Variants in RBMS3 observed in about 807,000 individuals in gnomAD.
RBMS3 encodes the protein RNA-binding motif, single-stranded-interacting protein 3.
Under a neutral mutation model 66.8 loss-of-function variants are expected in RBMS3, and 27 were observed. That is an observed-to-expected ratio of 0.40 (90% CI 0.30 to 0.56). The LOEUF is 0.56. Ranked by LOEUF, RBMS3 falls within the 20% of genes least tolerant of loss-of-function variation. RBMS3 has a pLI of 0.40. For missense variants in RBMS3, 513 were observed against 549.5 expected (o/e 0.93, Z 0.66); for synonymous variants, 188 against 183.0 (o/e 1.03, Z -0.22).
chr3:29,641,739 C>T (rs977420182), intron 4 of RBMS3, among the ~76,000 whole-genome samples: 14 of 151,920 alleles, frequency 9.2e-5, no homozygotes, highest in African/African-American at 1.2e-4. Context: ...GTCATATTCA[C>T]TGAGGTAACA....
chr3:29,292,221 A>T lies in RBMS3; in HGVS notation c.75+10465A>T, dbSNP rs1255608100. On this transcript the variant is annotated intron_variant, in intron 1 of 14. Coordinates refer to ENST00000383767, the MANE Select transcript of RBMS3 (RefSeq NM_001003793.3). ...ACACATAAAACAACAACACACACGC[A>T]CACATACATTCCTGAAAACCTTAAC... Among the ~76,000 whole-genome samples the T allele has an allele frequency of 2.0e-5, 3 of 151,878 alleles. No homozygotes were observed. The East Asian group carries it at 5.8e-4, about 30-fold the overall frequency.
At chr3:30,000,685 T>G (rs1004140589) in intron 14 of RBMS3, among the ~76,000 whole-genome samples, 1 of 152,170 alleles carries the variant, frequency 6.6e-6, no homozygotes, top group African/African-American at 2.4e-5. Context: ...GTGGCATATA[T>G]ACACCATGGA....
chr3:29,389,150 T>C (rs1224302907), intron 1 of RBMS3, among the ~76,000 whole-genome samples: 1 of 152,204 alleles, frequency 6.6e-6, no homozygotes, highest in Non-Finnish European at 1.5e-5. Context: ...ATGGAAGATC[T>C]GACTCTCACT....
At chr3:29,717,182 G>A (rs2053433882) in intron 4 of RBMS3, among the ~76,000 whole-genome samples, 1 of 151,756 alleles carries the variant, frequency 6.6e-6, no homozygotes, top group Non-Finnish European at 1.5e-5. Flanking sequence ...CCTACATTAG[G>A]GGCTAAATAT....
intron 3 of RBMS3, among the ~76,000 whole-genome samples, chr3:29,561,684 C>T (rs984724377): frequency 6.6e-6 from 1 of 152,150 alleles, no homozygotes; most frequent in African/African-American, 2.4e-5. Flanking sequence ...AACTCCTGAC[C>T]TTGTGATCCG....
intron 1 of RBMS3, among the ~76,000 whole-genome samples, chr3:29,380,926 G>A (rs2038733630): frequency 6.6e-6 from 1 of 152,148 alleles, no homozygotes. Flanking sequence ...TTGGAGATAA[G>A]TGGTGCTTCA....
At chr3:29,631,925 C>T (rs1020991661) in intron 4 of RBMS3, among the ~76,000 whole-genome samples, 4 of 151,866 alleles carry the variant, frequency 2.6e-5, no homozygotes, top group Non-Finnish European at 5.9e-5. Context: ...AACTTCACAA[C>T]CAAAAAGAGG....
chr3:29,296,499 C>T (rs1402598485), intron 1 of RBMS3, among the ~76,000 whole-genome samples: 3 of 151,712 alleles, frequency 2.0e-5, no homozygotes, highest in Admixed American at 6.6e-5. Context: ...ATCTAATGGA[C>T]CTAGGTTAAA....
At chr3:29,617,202 G>A (rs1169441482) in intron 4 of RBMS3, 1 of 152,190 alleles carries the variant, frequency 6.6e-6, no homozygotes, top group Non-Finnish European at 1.5e-5. Context: ...CAGACTTAAC[G>A]TTGACGAGCC....
chr3:29,558,491 A>G (rs1344586687), intron 3 of RBMS3, among the ~76,000 whole-genome samples: 3 of 152,262 alleles, frequency 2.0e-5, no homozygotes, highest in African/African-American at 7.2e-5. Context: ...CAAGTTATCT[A>G]TAAAGCAATT....
At chr3:29,921,441 G>T (rs1422033756) in intron 10 of RBMS3, among the ~76,000 whole-genome samples, 1 of 132,190 alleles carries the variant, frequency 7.6e-6, no homozygotes, top group Non-Finnish European at 1.5e-5. Flanking sequence ...AGCTGAATTT[G>T]CTATCCCATT....
At chr3:29,643,000 T>A (rs562011945) in intron 4 of RBMS3, among the ~76,000 whole-genome samples, 4 of 152,172 alleles carry the variant, frequency 2.6e-5, no homozygotes, top group African/African-American at 9.6e-5. Context: ...CCAGGCTTTG[T>A]CTGGTAGCAT....
At chr3:29,509,212 A>G (rs968055809) in intron 3 of RBMS3, among the ~76,000 whole-genome samples, 7 of 152,148 alleles carry the variant, frequency 4.6e-5, no homozygotes, top group African/African-American at 9.7e-5. Flanking sequence ...CTATGTGGCC[A>G]TAGTGATGGC....
intron 5 of RBMS3, among the ~76,000 whole-genome samples, chr3:29,741,997 G>A (rs2054669747): frequency 6.6e-6 from 1 of 152,076 alleles, no homozygotes; most frequent in Admixed American, 6.6e-5. Flanking sequence ...TGAGGTATTG[G>A]GGGTTAGGAC....
chr3:29,681,582 C>T (rs1281179614), intron 4 of RBMS3, among the ~76,000 whole-genome samples: 1 of 151,270 alleles, frequency 6.6e-6, no homozygotes, highest in African/African-American at 2.4e-5. Flanking sequence ...TCAGCTCCCA[C>T]TTGTAAGTGA....
intron 10 of RBMS3, among the ~76,000 whole-genome samples, chr3:29,928,209 T>TAC (rs1390644340): frequency 0.23 from 22,909 of 100,310 alleles, 2,207 homozygotes; most frequent in Non-Finnish European, 0.3. Context: ...TATATATATA[T>TAC]ATACACACAC....
At chr3:29,346,004 G>A (rs1355007337) in intron 1 of RBMS3, among the ~76,000 whole-genome samples, 2 of 152,142 alleles carry the variant, frequency 1.3e-5, no homozygotes. Context: ...TATGATTATT[G>A]TTATGTTGGT....
chr3:29,891,097 A>G (rs1227378980), intron 8 of RBMS3, among the ~76,000 whole-genome samples: 1 of 151,574 alleles, frequency 6.6e-6, no homozygotes, highest in Non-Finnish European at 1.5e-5. Flanking sequence ...TTAAGCAAGT[A>G]TGTGTCTGAG....
chr3:29,732,843 C>A (rs1326554339), intron 4 of RBMS3, among the ~76,000 whole-genome samples: 1 of 152,066 alleles, frequency 6.6e-6, no homozygotes, highest in Non-Finnish European at 1.5e-5. Flanking sequence ...AGGTGAGAGT[C>A]ACTGAATAAC....
Sources: allele counts gnomAD v4.1 joint callset (sites outside exome capture counted in the v4.1 genomes callset), GRCh38; gene constraint gnomAD v4.1.1; transcripts MANE v1.5; gene names NCBI Gene and HGNC (gene_info 2026-07-23, HGNC 2026-07-21).